SAMD12: variants seen among roughly 807,000 people sequenced by gnomAD.
SAMD12 encodes the protein sterile alpha motif domain-containing protein 12.
A neutral mutation model predicts 15.0 loss-of-function variants in SAMD12; 9 were observed. The observed-to-expected ratio is 0.60, with a 90% CI of 0.36 to 1.05. The LOEUF (loss-of-function observed/expected upper bound fraction) is 1.05. SAMD12 is among the 50% of genes least tolerant of loss of function. The probability of loss-of-function intolerance (pLI) is 0.01; values close to 1 mark genes in which losing one functional copy is unlikely to be tolerated. For missense variants in SAMD12, 230 were observed against 234.2 expected (o/e 0.98, Z 0.12); for synonymous variants, 86 against 90.1 (o/e 0.96, Z 0.25).
At chr8:118,176,839 T>A in the SAMD12 span, among the ~76,000 whole-genome samples, 1 of 152,170 alleles carries the variant, frequency 6.6e-6, no homozygotes, top group African/African-American at 2.4e-5. Flanking sequence ...TATATAACAA[T>A]AGTATTTAAC....
intron 4 of SAMD12, among the ~76,000 whole-genome samples, chr8:118,238,494 C>T (rs544617187): frequency 3.3e-5 from 5 of 152,214 alleles, no homozygotes; most frequent in African/African-American, 1.2e-4. Context: ...AAAGTCACAG[C>T]GAGTCCTGGA....
At chr8:118,516,589 T>A (rs1200440767) in intron 2 of SAMD12, among the ~76,000 whole-genome samples, 1 of 152,100 alleles carries the variant, frequency 6.6e-6, no homozygotes, top group East Asian at 1.9e-4. Flanking sequence ...CCACTTTTCC[T>A]TAAATCTAAC....
At chr8:118,406,427 C>T (rs1299385405) in intron 3 of SAMD12, among the ~76,000 whole-genome samples, 1 of 152,022 alleles carries the variant, frequency 6.6e-6, no homozygotes, top group Admixed American at 6.5e-5. Context: ...GTGCCAACCA[C>T]CACACCTGGC....
At chr8:118,413,824 G>A (rs551067844) in intron 3 of SAMD12, among the ~76,000 whole-genome samples, 3 of 149,806 alleles carry the variant, frequency 2.0e-5, no homozygotes, top group Admixed American at 1.4e-4. Context: ...GGGAGTCAAC[G>A]AAATACACAT....
intron 4 of SAMD12, among the ~76,000 whole-genome samples, chr8:118,367,286 T>C (rs1169821712): frequency 6.6e-6 from 1 of 152,202 alleles, no homozygotes; most frequent in East Asian, 1.9e-4. Context: ...TCTCAGTGCA[T>C]CTCTGAAAGT....
intron 4 of SAMD12, among the ~76,000 whole-genome samples, chr8:118,324,056 C>T (rs915203311): frequency 1.3e-5 from 2 of 152,054 alleles, no homozygotes; most frequent in African/African-American, 4.8e-5. Flanking sequence ...CCAAAGAAAG[C>T]TCATTCATTT....
At chr8:118,232,839 C>T (rs1487417744) in intron 4 of SAMD12, among the ~76,000 whole-genome samples, 6 of 152,056 alleles carry the variant, frequency 3.9e-5, no homozygotes, top group African/African-American at 9.7e-5. Flanking sequence ...AAGGCTGTGG[C>T]GCCGGGAGAT....
downstream of SAMD12, chr8:118,377,928 T>C (rs1210129181): frequency 6.6e-6 from 1 of 152,202 alleles, no homozygotes; most frequent in Non-Finnish European, 1.5e-5. Flanking sequence ...ATAATTGTAA[T>C]ATGAATTTGC....
chr8:118,575,207 T>C (rs1009622914), intron 2 of SAMD12, among the ~76,000 whole-genome samples: 1 of 152,136 alleles, frequency 6.6e-6, no homozygotes, highest in Non-Finnish European at 1.5e-5. Flanking sequence ...AAATACAAAC[T>C]AAATCTAATA....
intron 4 of SAMD12, among the ~76,000 whole-genome samples, chr8:118,315,351 T>C (rs2130416467): frequency 6.6e-6 from 1 of 152,310 alleles, no homozygotes; most frequent in Admixed American, 6.5e-5. Context: ...AATATAGATA[T>C]TCACCTTGAA....
chr8:118,131,908 T>G, the SAMD12 span, among the ~76,000 whole-genome samples: 1 of 152,180 alleles, frequency 6.6e-6, no homozygotes, highest in Non-Finnish European at 1.5e-5. Flanking sequence ...ATTTATATTT[T>G]TACAAGTTAC....
chr8:118,337,172 A>G (rs1021311003), intron 4 of SAMD12, among the ~76,000 whole-genome samples: 2 of 152,184 alleles, frequency 1.3e-5, no homozygotes, highest in African/African-American at 4.8e-5. Flanking sequence ...AAAAAAAGAA[A>G]AAAAAAGGAA....
intron 2 of SAMD12, among the ~76,000 whole-genome samples, chr8:118,469,556 A>AAAT (rs1823728852): frequency 3.6e-4 from 1 of 2,816 alleles, no homozygotes; most frequent in African/African-American, 5.6e-4. Context: ...TATTATATAT[A>AAAT]ATATATTATA....
intron 2 of SAMD12, among the ~76,000 whole-genome samples, chr8:118,473,398 T>A (rs113871763): frequency 0.022 from 3,374 of 152,264 alleles, 120 homozygotes; most frequent in African/African-American, 0.077. Context: ...TTCTGTGCAC[T>A]CCTTCTAGAC....
intron 3 of SAMD12, among the ~76,000 whole-genome samples, chr8:118,408,781 T>C (rs4876827): frequency 0.34 from 52,276 of 152,056 alleles, 9,652 homozygotes; most frequent in African/African-American, 0.41. Flanking sequence ...TTAAATTTAA[T>C]CCCAGGGTAG....
chr8:118,467,849 T>C (rs901418884), intron 2 of SAMD12, among the ~76,000 whole-genome samples: 3 of 152,154 alleles, frequency 2.0e-5, no homozygotes, highest in African/African-American at 7.2e-5. Flanking sequence ...CACATTGAAA[T>C]CGCCAAGACA....
chr8:118,577,732 C>T (rs1304594299), intron 2 of SAMD12, among the ~76,000 whole-genome samples: 1 of 152,146 alleles, frequency 6.6e-6, no homozygotes, highest in Non-Finnish European at 1.5e-5. Flanking sequence ...TACAAAAGCA[C>T]CTTACCAGAA....
chr8:118,181,491 C>T, the SAMD12 span, among the ~76,000 whole-genome samples: 3,267 of 152,306 alleles, frequency 0.021, 50 homozygotes, highest in South Asian at 0.075. Context: ...TCTTCTTGGA[C>T]ACACTGATTG....
At chr8:118,273,177 T>C (rs1563725309) in intron 4 of SAMD12, among the ~76,000 whole-genome samples, 1 of 152,160 alleles carries the variant, frequency 6.6e-6, no homozygotes, top group African/African-American at 2.4e-5. Flanking sequence ...CTTACAATCA[T>C]AGAAGAATGG....
Sources: allele counts gnomAD v4.1 joint callset (sites outside exome capture counted in the v4.1 genomes callset), GRCh38; gene constraint gnomAD v4.1.1; transcripts MANE v1.5; gene names NCBI Gene and HGNC (gene_info 2026-07-23, HGNC 2026-07-21).